MACROD2: variants seen among roughly 807,000 people sequenced by gnomAD.
The protein encoded by MACROD2 is ADP-ribose glycohydrolase MACROD2.
Under a neutral mutation model 70.4 loss-of-function variants are expected in MACROD2, and 36 were observed. That is an observed-to-expected ratio of 0.51 (90% CI 0.39 to 0.68). The LOEUF (loss-of-function observed/expected upper bound fraction) is 0.68, where lower values mean the gene tolerates loss of function less well. Among genes scored for constraint, MACROD2 ranks in the 30% least tolerant of loss-of-function variants. The pLI is 0.00. For missense variants in MACROD2, 496 were observed against 538.4 expected (o/e 0.92, Z 0.78); for synonymous variants, 172 against 178.8 (o/e 0.96, Z 0.30).
intron 5 of MACROD2, among the ~76,000 whole-genome samples, chr20:14,747,758 C>G (rs2071818557): frequency 6.6e-6 from 1 of 151,590 alleles, no homozygotes. Context: ...GGATCTCAAT[C>G]TTGGTGTGCC....
At chr20:15,296,077 C>G (rs1488114968) in intron 6 of MACROD2, among the ~76,000 whole-genome samples, 1 of 152,190 alleles carries the variant, frequency 6.6e-6, no homozygotes, top group African/African-American at 2.4e-5. Context: ...CATACTTTCT[C>G]TAATAAATGT....
chr20:14,493,476 C>T lies in MACROD2; in HGVS notation c.272-3C>T. 6.2e-7 allele frequency: 1 copy of T among 1,607,376 alleles called. No homozygotes were observed. Among genetic ancestry groups the T allele is most frequent in the Non-Finnish European group, 8.5e-7 (1 of 1,175,464 alleles). On this transcript the variant is annotated splice_polypyrimidine_tract_variant and splice_region_variant and intron_variant, in intron 3 of 17. Coordinates refer to ENST00000684519, the MANE Select transcript of MACROD2 (RefSeq NM_001351661.2). ...GTCTTTTGTTGTGTTTTGTTTTAAA[C>T]AGCAAATGCCAGTCTTCTTGGAGGA...
chr20:14,002,652 ATTTT>A (rs1234965091), intron 2 of MACROD2, among the ~76,000 whole-genome samples: 1 of 151,700 alleles, frequency 6.6e-6, no homozygotes, highest in Non-Finnish European at 1.5e-5. Flanking sequence ...GTCCTTTTTT[ATTTT>A]TTCTATTCTG....
intron 5 of MACROD2, among the ~76,000 whole-genome samples, chr20:15,178,051 C>T (rs1434255997): frequency 6.6e-6 from 1 of 151,894 alleles, no homozygotes; most frequent in Admixed American, 6.6e-5. Context: ...TAGTCAGAAT[C>T]CATTCTAACT....
intron 8 of MACROD2, among the ~76,000 whole-genome samples, chr20:15,628,882 A>G (rs912184700): frequency 6.6e-6 from 1 of 152,204 alleles, no homozygotes; most frequent in Admixed American, 6.5e-5. Flanking sequence ...TATGGTGTGT[A>G]TTGGTTTCTT....
At chr20:14,917,552 A>G (rs1489831735) in intron 5 of MACROD2, among the ~76,000 whole-genome samples, 1 of 152,040 alleles carries the variant, frequency 6.6e-6, no homozygotes, top group Non-Finnish European at 1.5e-5. Context: ...GTGGAAGCTC[A>G]CCGGGAAGCC....
At chr20:14,866,433 A>T (rs1443008719) in intron 5 of MACROD2, among the ~76,000 whole-genome samples, 2 of 152,126 alleles carry the variant, frequency 1.3e-5, no homozygotes, top group South Asian at 4.2e-4. Flanking sequence ...CTGAAATTAA[A>T]ATTTAGGTAA....
chr20:15,048,864 AT>A (rs1281342929), intron 5 of MACROD2, among the ~76,000 whole-genome samples: 1 of 152,122 alleles, frequency 6.6e-6, no homozygotes, highest in Non-Finnish European at 1.5e-5. Context: ...TCATAGCAGT[AT>A]TTTTAATACA....
intron 5 of MACROD2, among the ~76,000 whole-genome samples, chr20:15,133,583 C>T (rs1301613629): frequency 9.2e-5 from 14 of 152,078 alleles, no homozygotes; most frequent in Admixed American, 9.2e-4. Flanking sequence ...ATATGGTGAA[C>T]TATCTTGTGA....
intron 5 of MACROD2, among the ~76,000 whole-genome samples, chr20:14,707,909 G>C (rs1437962760): frequency 6.6e-6 from 1 of 152,088 alleles, no homozygotes; most frequent in Non-Finnish European, 1.5e-5. Flanking sequence ...ATTTATAATA[G>C]TTAGAGCTTT....
At chr20:14,962,513 C>A (rs1356934282) in intron 5 of MACROD2, among the ~76,000 whole-genome samples, 2 of 132,752 alleles carry the variant, frequency 1.5e-5, no homozygotes, top group Non-Finnish European at 3.1e-5. Flanking sequence ...GAATTTTGCT[C>A]TCTCTCTCTC....
At chr20:14,169,312 G>C (rs1040313625) in intron 3 of MACROD2, among the ~76,000 whole-genome samples, 2 of 151,664 alleles carry the variant, frequency 1.3e-5, no homozygotes, top group East Asian at 1.9e-4. Flanking sequence ...TTTTTTTTGG[G>C]GGGGGGCGGT....
intron 3 of MACROD2, among the ~76,000 whole-genome samples, chr20:14,476,039 T>C (rs138763287): frequency 8.6e-5 from 13 of 151,976 alleles, no homozygotes; most frequent in Non-Finnish European, 2.9e-5. Flanking sequence ...TTAGAAGTCA[T>C]GAGATTAACA....
intron 5 of MACROD2, among the ~76,000 whole-genome samples, chr20:15,021,820 A>T (rs1383098572): frequency 6.6e-6 from 1 of 152,126 alleles, no homozygotes; most frequent in African/African-American, 2.4e-5. Flanking sequence ...ATGAAGAGTG[A>T]ACCCTAACAT....
chr20:14,700,051 A>G, intron 5 of MACROD2, among the ~76,000 whole-genome samples: 1 of 151,962 alleles, frequency 6.6e-6, no homozygotes, highest in Non-Finnish European at 1.5e-5. Flanking sequence ...GTTTAAATCT[A>G]GAAGTTTAAA....
At chr20:14,126,555 C>A (rs575498731) in intron 3 of MACROD2, among the ~76,000 whole-genome samples, 287 of 152,226 alleles carry the variant, frequency 1.9e-3, no homozygotes, top group African/African-American at 6.3e-3. Context: ...TTTGTGGTAA[C>A]CCTGTGCTGA....
At chr20:15,771,975 C>T (rs1275908722) in intron 8 of MACROD2, among the ~76,000 whole-genome samples, 4 of 149,946 alleles carry the variant, frequency 2.7e-5, no homozygotes, top group Non-Finnish European at 3.0e-5. Flanking sequence ...GTCCCAGCTA[C>T]TCAGGAGGCT....
intron 10 of MACROD2, chr20:15,893,125 T>A (rs1317721388): frequency 2.2e-5 from 9 of 400,368 alleles, no homozygotes; most frequent in Admixed American, 4.2e-5. Context: ...GGTTAAAATA[T>A]CACAGAGAAA....
At chr20:15,926,841 G>A (rs560614919) in intron 10 of MACROD2, among the ~76,000 whole-genome samples, 8 of 152,274 alleles carry the variant, frequency 5.3e-5, no homozygotes, top group South Asian at 2.1e-4. Flanking sequence ...TCTCCACCAC[G>A]CAGGGTCTTG....
Sources: gnomAD v4.1 joint callset for allele counts (sites outside exome capture counted in the v4.1 genomes callset) on GRCh38, gnomAD v4.1.1 for gene constraint, MANE v1.5 for transcripts, NCBI Gene and HGNC (gene_info 2026-07-23, HGNC 2026-07-21) for gene names.